LCLAT1: variants seen among roughly 807,000 people sequenced by gnomAD.
LCLAT1 encodes 1-AGP acyltransferase 8.
LCLAT1 carries 11 observed loss-of-function variants against 30.7 expected under a neutral mutation model. The ratio of observed to expected loss-of-function variants is 0.36; its 90% CI spans 0.23 to 0.59. The LOEUF (loss-of-function observed/expected upper bound fraction) is 0.59, where lower values mean the gene tolerates loss of function less well. Ranked by LOEUF, LCLAT1 falls within the 20% of genes least tolerant of loss-of-function variation. LCLAT1 has a pLI of 0.77. For missense variants in LCLAT1, 402 were observed against 458.6 expected, an observed-to-expected ratio of 0.88 and a Z score of 1.13; for synonymous variants, 155 against 151.3, an observed-to-expected ratio of 1.02 and a Z score of -0.18.
intron 1 of LCLAT1, among the ~76,000 whole-genome samples, chr2:30,450,683 G>A (rs1681500659): frequency 1.3e-5 from 2 of 152,162 alleles, no homozygotes; most frequent in Non-Finnish European, 2.9e-5. Context: ...AGTGCAAATC[G>A]ACTACAAGGT....
intron 5 of LCLAT1, among the ~76,000 whole-genome samples, chr2:30,570,949 A>C (rs761940125): frequency 4.6e-5 from 7 of 152,054 alleles, no homozygotes; most frequent in Non-Finnish European, 1.0e-4. Context: ...AGGATCTTAG[A>C]GGTCATCTAG....
chr2:30,470,815 A>T (rs546950274), intron 1 of LCLAT1, among the ~76,000 whole-genome samples: 1 of 152,202 alleles, frequency 6.6e-6, no homozygotes, highest in East Asian at 1.9e-4. Flanking sequence ...TGGAATTTTG[A>T]TAGAGATTGA....
chr2:30,463,412 A>C (rs1682267089), intron 1 of LCLAT1, among the ~76,000 whole-genome samples: 1 of 152,078 alleles, frequency 6.6e-6, no homozygotes, highest in Non-Finnish European at 1.5e-5. Context: ...AGAGTCATTC[A>C]TTATTTTGTA....
At chr2:30,456,313 C>G (rs1431705024) in intron 1 of LCLAT1, among the ~76,000 whole-genome samples, 4 of 152,162 alleles carry the variant, frequency 2.6e-5, no homozygotes. Context: ...GATACCACGC[C>G]AGTGGGGATG....
chr2:30,567,599 A>C (rs953393782), intron 4 of LCLAT1, among the ~76,000 whole-genome samples: 3 of 152,212 alleles, frequency 2.0e-5, no homozygotes, highest in Admixed American at 2.0e-4. Context: ...GCTAAAGTCA[A>C]AGTAATGCCA....
intron 5 of LCLAT1, among the ~76,000 whole-genome samples, chr2:30,590,075 A>G (rs1326738180): frequency 1.3e-5 from 2 of 152,086 alleles, no homozygotes; most frequent in Admixed American, 6.5e-5. Flanking sequence ...TTTCTGGTAC[A>G]TTTCATTTTC....
chr2:30,504,231 CAT>C lies in LCLAT1; in HGVS notation c.-4-21351_-4-21350del, dbSNP rs991947325. Among the ~76,000 whole-genome samples the C allele has an allele frequency of 1.2e-4, 18 of 151,834 alleles. No individual in the cohort carries two copies. The South Asian group carries it at 2.9e-3, about 25-fold the overall frequency. Reference sequence around the variant, plus strand: ...ATAACATAACATATATTACATGTAACATATATTTATGGGCTCATATTTTGTGT... The same window carrying C: ...ATAACATAACATATATTACATGTAACATATTTATGGGCTCATATTTTGTGT... On this transcript the variant is annotated intron_variant, in intron 1 of 5. Transcript: ENST00000379509.
At chr2:30,611,914 T>C (rs1252777785) in intron 5 of LCLAT1, among the ~76,000 whole-genome samples, 1 of 152,134 alleles carries the variant, frequency 6.6e-6, no homozygotes, top group East Asian at 1.9e-4. Flanking sequence ...AATTACTGTT[T>C]TCAGAGCCGT....
intron 1 of LCLAT1, among the ~76,000 whole-genome samples, chr2:30,520,373 T>G (rs1685419375): frequency 6.6e-6 from 1 of 152,238 alleles, no homozygotes; most frequent in Admixed American, 6.5e-5. Context: ...TGTAACATCT[T>G]TATTTTATAG....
intron 3 of LCLAT1, among the ~76,000 whole-genome samples, chr2:30,549,231 C>G (rs1664567052): frequency 6.6e-6 from 1 of 152,152 alleles, no homozygotes; most frequent in Admixed American, 6.5e-5. Flanking sequence ...CAATCACTTA[C>G]TGACATTAAT....
At chr2:30,518,080 A>T (rs1156599525) in intron 1 of LCLAT1, among the ~76,000 whole-genome samples, 1 of 152,204 alleles carries the variant, frequency 6.6e-6, no homozygotes, top group Non-Finnish European at 1.5e-5. Flanking sequence ...AAACCTCATT[A>T]TGAGCATACC....
chr2:30,451,321 G>C (rs1681538910), intron 1 of LCLAT1, among the ~76,000 whole-genome samples: 2 of 152,180 alleles, frequency 1.3e-5, no homozygotes, highest in South Asian at 2.1e-4. Flanking sequence ...ATTGTTGGTG[G>C]GGATGTCAAA....
At chr2:30,535,903 G>A (rs1013629758) in intron 3 of LCLAT1, among the ~76,000 whole-genome samples, 1 of 151,958 alleles carries the variant, frequency 6.6e-6, no homozygotes, top group African/African-American at 2.4e-5. Context: ...CACAGATAAA[G>A]TATTCAACAC....
At chr2:30,475,729 C>A (rs1186833757) in intron 1 of LCLAT1, among the ~76,000 whole-genome samples, 1 of 152,134 alleles carries the variant, frequency 6.6e-6, no homozygotes, top group Non-Finnish European at 1.5e-5. Flanking sequence ...GATACAGTTT[C>A]TCCTAATATG....
At chr2:30,588,876 A>AG (rs1385290132) in intron 5 of LCLAT1, among the ~76,000 whole-genome samples, 1 of 152,198 alleles carries the variant, frequency 6.6e-6, no homozygotes, top group Non-Finnish European at 1.5e-5. Flanking sequence ...CTGGGATTAC[A>AG]GGCATGAGCC....
At position 30,538,351 on chromosome 2, in the gene LCLAT1, G is replaced by A. The variant is rs184762678; in HGVS notation, c.364+5037G>A. Among the ~76,000 whole-genome samples, 23 of 152,194 alleles carry A rather than the reference G, an allele frequency of 1.5e-4. No individual in the cohort carries two copies. The East Asian group carries it at 3.1e-3, about 20-fold the overall frequency. Reference sequence around the variant, plus strand: ...GTTAGACTAAGTAACAAAGAGAGACGATGAAAAAGAAAATTAGGCCAGGTG... The same window carrying A: ...GTTAGACTAAGTAACAAAGAGAGACAATGAAAAAGAAAATTAGGCCAGGTG... On this transcript the variant is annotated intron_variant, in intron 3 of 5. Coordinates refer to ENST00000379509, the MANE Select transcript of LCLAT1 (RefSeq NM_001002257.3).
intron 5 of LCLAT1, among the ~76,000 whole-genome samples, chr2:30,636,604 T>C (rs529214200): frequency 6.6e-6 from 1 of 152,160 alleles, no homozygotes; most frequent in Non-Finnish European, 1.5e-5. Context: ...TCAAGGAAAA[T>C]TTCTCAGTGG....
intron 1 of LCLAT1, among the ~76,000 whole-genome samples, chr2:30,499,283 C>T (rs13427416): frequency 0.019 from 2,928 of 152,244 alleles, 89 homozygotes; most frequent in African/African-American, 0.066. Flanking sequence ...TGGGTTTAAG[C>T]GATTCTCCTG....
chr2:30,511,557 A>G (rs143598451), intron 1 of LCLAT1, among the ~76,000 whole-genome samples: 49 of 152,370 alleles, frequency 3.2e-4, no homozygotes, highest in African/African-American at 1.1e-3. Flanking sequence ...GAACATTTCC[A>G]TCATTGCAGA....
Sources: gnomAD v4.1 joint callset for allele counts (sites outside exome capture counted in the v4.1 genomes callset) on GRCh38, gnomAD v4.1.1 for gene constraint, MANE v1.5 for transcripts, NCBI Gene and HGNC (gene_info 2026-07-23, HGNC 2026-07-21) for gene names.